Variants in TSPAN18 observed in about 807,000 individuals in gnomAD.
TSPAN18 encodes tetraspanin-18.
TSPAN18 carries 14 observed loss-of-function variants against 27.3 expected under a neutral mutation model. That is an observed-to-expected ratio of 0.51 (90% CI 0.34 to 0.80). TSPAN18 has a LOEUF of 0.80. TSPAN18 is among the 30% of genes least tolerant of loss of function. The pLI is 0.01. For synonymous variants in TSPAN18, 143 were observed against 136.5 expected (o/e 1.05, Z -0.33); for missense variants, 268 against 323.9 (o/e 0.83, Z 1.32).
intron 2 of TSPAN18, among the ~76,000 whole-genome samples, chr11:44,853,802 A>C (rs1359964016): frequency 1.3e-5 from 2 of 152,134 alleles, no homozygotes; most frequent in African/African-American, 4.8e-5. Flanking sequence ...TTGGAAACTG[A>C]CCGGAGTGCA....
At chr11:44,794,194 G>C (rs1338580071) in intron 2 of TSPAN18, among the ~76,000 whole-genome samples, 4 of 152,230 alleles carry the variant, frequency 2.6e-5, no homozygotes, top group African/African-American at 9.6e-5. Context: ...CCATGGTCAA[G>C]TTTTGTCTGA....
chr11:44,831,220 G>C (rs1002684868), intron 2 of TSPAN18, among the ~76,000 whole-genome samples: 2 of 152,162 alleles, frequency 1.3e-5, no homozygotes, highest in African/African-American at 4.8e-5. Flanking sequence ...CTGGTTTAGG[G>C]TCCAGGGAAC....
chr11:44,921,749 C>T lies in TSPAN18; in HGVS notation c.615+1750C>T, dbSNP rs527545954. Reference sequence around the variant, plus strand: ...GGTGAAGGAGCTGTTGTTTGAGATGCCCGTTGCCAACAGCCAAACTTAGAA... The same window carrying T: ...GGTGAAGGAGCTGTTGTTTGAGATGTCCGTTGCCAACAGCCAAACTTAGAA... On this transcript the variant is annotated intron_variant, in intron 8 of 9. Coordinates refer to ENST00000520358, the MANE Select transcript of TSPAN18 (RefSeq NM_130783.5). Among the ~76,000 whole-genome samples the T allele has an allele frequency of 7.9e-5, 12 of 152,306 alleles. No individual in the cohort carries two copies. The South Asian group carries it at 2.3e-3, about 29-fold the overall frequency.
intron 3 of TSPAN18, among the ~76,000 whole-genome samples, chr11:44,882,261 C>G (rs1394443329): frequency 2.0e-5 from 3 of 152,168 alleles, no homozygotes; most frequent in African/African-American, 7.2e-5. Context: ...TTGGAACTTC[C>G]TCTTCCTTAA....
chr11:44,734,001 T>G (rs1021998868), intron 1 of TSPAN18, among the ~76,000 whole-genome samples: 20 of 152,148 alleles, frequency 1.3e-4, no homozygotes, highest in Admixed American at 1.3e-4. Flanking sequence ...ATGAGTGGCC[T>G]GGTGCCCTTC....
chr11:44,773,081 A>G (rs1590445025), intron 2 of TSPAN18, among the ~76,000 whole-genome samples: 1 of 152,314 alleles, frequency 6.6e-6, no homozygotes, highest in South Asian at 2.1e-4. Flanking sequence ...TTTAAAGCCT[A>G]AGTAATAAAA....
chr11:44,876,894 G>A (rs542289598), intron 3 of TSPAN18, among the ~76,000 whole-genome samples: 48 of 152,310 alleles, frequency 3.2e-4, no homozygotes, highest in African/African-American at 1.1e-3. Flanking sequence ...TGGAAGCAGA[G>A]CCAGGCCACA....
rs928502213 is a variant in TSPAN18 at position 44,769,472 on chromosome 11, A to G, written c.-153+4960A>G. On this transcript the variant is annotated intron_variant, in intron 2 of 9. Transcript: ENST00000520358. ...CTGGAAGAGATTATTGAGAATTGGT[A>G]TAATTTCTCCCATAAGTGTTTGGTA... Among the ~76,000 whole-genome samples, 4 of 152,332 alleles carry G rather than the reference A, an allele frequency of 2.6e-5. No homozygotes were observed. The South Asian group carries it at 6.2e-4, about 24-fold the overall frequency.
At chr11:44,840,527 T>C (rs1325483693) in intron 2 of TSPAN18, among the ~76,000 whole-genome samples, 1 of 152,172 alleles carries the variant, frequency 6.6e-6, no homozygotes, top group Non-Finnish European at 1.5e-5. Flanking sequence ...CATCAGTGTC[T>C]GAGGGTGCCC....
intron 3 of TSPAN18, among the ~76,000 whole-genome samples, chr11:44,882,408 G>T (rs1318285501): frequency 6.6e-6 from 1 of 152,108 alleles, no homozygotes; most frequent in Non-Finnish European, 1.5e-5. Flanking sequence ...TTGTACAGTG[G>T]TTCACACATG....
intron 4 of TSPAN18, among the ~76,000 whole-genome samples, chr11:44,907,803 C>T (rs1415431126): frequency 6.6e-6 from 1 of 152,024 alleles, no homozygotes; most frequent in African/African-American, 2.4e-5. Flanking sequence ...ATCTGTAATC[C>T]CAGCACTTTG....
intron 2 of TSPAN18, among the ~76,000 whole-genome samples, chr11:44,814,537 A>T (rs1239049911): frequency 6.6e-6 from 1 of 152,222 alleles, no homozygotes; most frequent in Non-Finnish European, 1.5e-5. Flanking sequence ...AAAATAATAC[A>T]GTGCACTCAG....
At chr11:44,850,158 C>T (rs1280658525) in intron 2 of TSPAN18, among the ~76,000 whole-genome samples, 1 of 152,184 alleles carries the variant, frequency 6.6e-6, no homozygotes, top group Admixed American at 6.5e-5. Flanking sequence ...CCCCAGGGCC[C>T]GCCAAGTCCT....
chr11:44,920,565 G>A (rs1860091813), intron 8 of TSPAN18, among the ~76,000 whole-genome samples: 1 of 152,098 alleles, frequency 6.6e-6, no homozygotes, highest in African/African-American at 2.4e-5. Context: ...CAAGCGCCTG[G>A]CTTTGTGTGC....
intron 3 of TSPAN18, among the ~76,000 whole-genome samples, chr11:44,904,856 A>AT (rs1859398301): frequency 6.6e-6 from 1 of 152,172 alleles, no homozygotes; most frequent in Admixed American, 6.5e-5. Context: ...ATTATGTGCC[A>AT]TGGGCCTTGT....
intron 1 of TSPAN18, chr11:44,736,593 C>T (rs1854800631): frequency 1.3e-5 from 2 of 152,138 alleles, no homozygotes; most frequent in South Asian, 2.1e-4. Context: ...CTGGGAGGCT[C>T]AGTAGATGAC....
At position 44,931,362 on chromosome 11, in the gene TSPAN18, C is replaced by T. The variant is rs1292799438; in HGVS notation, c.*2184C>T. 3 of 183,478 alleles carry T rather than the reference C, an allele frequency of 1.6e-5. No homozygotes were observed. In the Admixed American group the frequency reaches 1.7e-4, roughly 10 times the overall value. The allele number at this position is 183,478 out of a possible 1,614,324, so 11.4% of individuals were successfully genotyped here. A position where few individuals can be genotyped will look rare whatever the true frequency, so the allele number is the denominator to read the frequency against. Reference sequence around the variant, plus strand: ...CAAAAAACAAAAAACCCATGCTGGGCAGGACTGAGGCAAATTGCACAGCTT... The same window carrying T: ...CAAAAAACAAAAAACCCATGCTGGGTAGGACTGAGGCAAATTGCACAGCTT... On this transcript the variant is annotated 3_prime_UTR_variant, in exon 10 of 10. Transcript: ENST00000520358.
chr11:44,854,524 T>G (rs981889514), intron 2 of TSPAN18, among the ~76,000 whole-genome samples: 1 of 152,212 alleles, frequency 6.6e-6, no homozygotes, highest in African/African-American at 2.4e-5. Flanking sequence ...CTGCACCCTC[T>G]TAGACTGTGT....
intron 8 of TSPAN18, among the ~76,000 whole-genome samples, chr11:44,920,826 G>A (rs761488413): frequency 6.6e-6 from 1 of 152,222 alleles, no homozygotes. Flanking sequence ...CCCTGTTCCT[G>A]CGAGGCTCAC....
Sources: allele counts gnomAD v4.1 joint callset (sites outside exome capture counted in the v4.1 genomes callset), GRCh38; gene constraint gnomAD v4.1.1; transcripts MANE v1.5; gene names NCBI Gene and HGNC (gene_info 2026-07-23, HGNC 2026-07-21).